The following PPARG variants were observed in gnomAD, a reference collection of about 807,000 sequenced individuals.
PPARG encodes peroxisome proliferator-activated receptor gamma.
A neutral mutation model predicts 39.2 loss-of-function variants in PPARG; 17 were observed. The observed-to-expected ratio is 0.43, with a 90% CI of 0.30 to 0.65. The LOEUF (loss-of-function observed/expected upper bound fraction) is 0.65, where lower values mean the gene tolerates loss of function less well. Ranked by LOEUF, PPARG falls within the 30% of genes least tolerant of loss-of-function variation. The pLI, the probability that PPARG is intolerant of heterozygous loss-of-function variation, is 0.13. For missense variants in PPARG, 406 were observed against 585.9 expected (o/e 0.69, Z 3.17); for synonymous variants, 223 against 215.7 (o/e 1.03, Z -0.30).
chr3:12,428,861 T>A (rs1158495396), intron 7 of PPARG, among the ~76,000 whole-genome samples: 1 of 152,230 alleles, frequency 6.6e-6, no homozygotes, highest in East Asian at 1.9e-4. Context: ...ATTTCCCCAG[T>A]TGAATTATGT....
intron 5 of PPARG, among the ~76,000 whole-genome samples, chr3:12,400,551 T>C (rs1018623375): frequency 2.3e-4 from 35 of 152,232 alleles, no homozygotes; most frequent in Admixed American, 3.3e-4. Flanking sequence ...AGCTCTGATA[T>C]GGATAATTTT....
chr3:12,299,897 C>T lies in PPARG; in HGVS notation c.-83+10763C>T, dbSNP rs2046885182. Among the ~76,000 whole-genome samples, 5 of 152,088 alleles carry T rather than the reference C, an allele frequency of 3.3e-5. No individual in the cohort carries two copies. In the South Asian group the frequency reaches 1.0e-3, roughly 32 times the overall value. ...ATTTGCGTAAAAGGAGACCCAGATCCTATTTTAAACGACCAAATTATTTTG... is the reference window on the plus strand; with the variant it reads ...ATTTGCGTAAAAGGAGACCCAGATCTTATTTTAAACGACCAAATTATTTTG... On this transcript the variant is annotated intron_variant, in intron 1 of 7. Coordinates refer to ENST00000651735, the MANE Select transcript of PPARG (RefSeq NM_138711.6).
chr3:12,328,144 C>A, intron 2 of PPARG: 1 of 1,273,838 alleles, frequency 7.9e-7, no homozygotes, highest in Non-Finnish European at 1.1e-6. Flanking sequence ...AATTCACAAT[C>A]AACTGTTAGA....
intron 2 of PPARG, among the ~76,000 whole-genome samples, chr3:12,323,039 C>T (rs541852143): frequency 6.6e-6 from 1 of 151,980 alleles, no homozygotes; most frequent in East Asian, 1.9e-4. Context: ...CTCCTGAGCT[C>T]AAGCCATCCT....
At chr3:12,426,193 T>C (rs149427541) in intron 7 of PPARG, among the ~76,000 whole-genome samples, 1 of 152,336 alleles carries the variant, frequency 6.6e-6, no homozygotes, top group African/African-American at 2.4e-5. Flanking sequence ...ATTATTGTTA[T>C]CAGGCATAGA....
chr3:12,424,408 A>C (rs576579513), intron 7 of PPARG, among the ~76,000 whole-genome samples: 3 of 152,342 alleles, frequency 2.0e-5, no homozygotes, highest in East Asian at 1.9e-4. Flanking sequence ...ATTTGCCCTC[A>C]GAGACTGACT....
At chr3:12,331,335 T>C (rs1458355308) in intron 2 of PPARG, among the ~76,000 whole-genome samples, 1 of 152,042 alleles carries the variant, frequency 6.6e-6, no homozygotes, top group Non-Finnish European at 1.5e-5. Flanking sequence ...TGAATTGGAG[T>C]TACCTTAAGG....
intron 1 of PPARG, among the ~76,000 whole-genome samples, chr3:12,297,655 A>T (rs1057090402): frequency 6.6e-6 from 1 of 152,108 alleles, no homozygotes; most frequent in Non-Finnish European, 1.5e-5. Context: ...CATCTCTGTT[A>T]TGGCCTCTTA....
rs967263885 is a variant in PPARG at position 12,308,450 on chromosome 3, G to T, written c.-82-3930G>T. On this transcript the variant is annotated intron_variant, in intron 1 of 7. Transcript: ENST00000651735. Reference sequence around the variant, plus strand: ...TGGGCAAAATATCAAATGCTGCAGAGGCAGAGACCGTGGTGTGCTGGAGCC... The same window carrying T: ...TGGGCAAAATATCAAATGCTGCAGATGCAGAGACCGTGGTGTGCTGGAGCC... Among the ~76,000 whole-genome samples, 7 of 151,804 alleles carry T rather than the reference G, an allele frequency of 4.6e-5. No homozygotes were observed. In the East Asian group the frequency reaches 1.4e-3, roughly 29 times the overall value.
chr3:12,408,425 T>A (rs1294844014), intron 6 of PPARG, among the ~76,000 whole-genome samples: 1 of 152,018 alleles, frequency 6.6e-6, no homozygotes, highest in South Asian at 2.1e-4. Context: ...CAAAAATAAA[T>A]GAAGACCTCT....
intron 1 of PPARG, among the ~76,000 whole-genome samples, chr3:12,296,935 T>C (rs1404522933): frequency 1.4e-4 from 21 of 152,192 alleles, no homozygotes; most frequent in Admixed American, 1.4e-3. Context: ...TTTTTTATTT[T>C]AAAATTCTAT....
chr3:12,405,792 C>T (rs1382249041), intron 5 of PPARG, 90 bp from the exon 6 acceptor site: 2 of 1,345,776 alleles, frequency 1.5e-6, no homozygotes, highest in African/African-American at 1.4e-5. Context: ...AGGGCTTCTA[C>T]TGTGTGGGAA....
At chr3:12,326,843 C>T (rs1166510425) in intron 2 of PPARG, among the ~76,000 whole-genome samples, 1 of 151,990 alleles carries the variant, frequency 6.6e-6, no homozygotes, top group African/African-American at 2.4e-5. Flanking sequence ...CAGGGTGGTA[C>T]GGCCATAGAC....
intron 2 of PPARG, among the ~76,000 whole-genome samples, chr3:12,377,413 A>T (rs1021245346): frequency 9.9e-5 from 15 of 152,134 alleles, no homozygotes; most frequent in Admixed American, 7.9e-4. Flanking sequence ...TCTATTCTCA[A>T]TGTGGGGAAA....
chr3:12,433,349 C>T (rs1011169002), intron 7 of PPARG, among the ~76,000 whole-genome samples: 3 of 152,004 alleles, frequency 2.0e-5, no homozygotes, highest in South Asian at 4.1e-4. Flanking sequence ...ACAAGCCTGG[C>T]CAACATGGTG....
chr3:12,294,842 G>A (rs897553223), intron 1 of PPARG, among the ~76,000 whole-genome samples: 1 of 152,126 alleles, frequency 6.6e-6, no homozygotes, highest in Non-Finnish European at 1.5e-5. Context: ...GCAGTGAGCC[G>A]AGATCACGCT....
intron 5 of PPARG, among the ~76,000 whole-genome samples, chr3:12,401,205 A>G (rs1249158617): frequency 6.6e-6 from 1 of 152,262 alleles, no homozygotes; most frequent in African/African-American, 2.4e-5. Flanking sequence ...CTTGGTTGTC[A>G]GATTCTCCAC....
chr3:12,300,331 A>G (rs12636461), intron 1 of PPARG, among the ~76,000 whole-genome samples: 43,321 of 152,060 alleles, frequency 0.28, 6,374 homozygotes, highest in East Asian at 0.49. Context: ...AGATTACCAC[A>G]GCTCAATAAA....
At chr3:12,369,706 A>T (rs2049141519) in intron 2 of PPARG, among the ~76,000 whole-genome samples, 1 of 152,150 alleles carries the variant, frequency 6.6e-6, no homozygotes, top group Non-Finnish European at 1.5e-5. Context: ...AGTAACTGAA[A>T]GTGCTGCTTA....
Sources: gnomAD v4.1 joint callset for allele counts (sites outside exome capture counted in the v4.1 genomes callset) on GRCh38, gnomAD v4.1.1 for gene constraint, MANE v1.5 for transcripts, NCBI Gene and HGNC (gene_info 2026-07-23, HGNC 2026-07-21) for gene names.